AFAP1L2: variants seen among roughly 807,000 people sequenced by gnomAD.
AFAP1L2 encodes the protein actin filament-associated protein 1-like 2.
Under a neutral mutation model 99.3 loss-of-function variants are expected in AFAP1L2, and 46 were observed. The observed-to-expected ratio is 0.46, with a 90% CI of 0.37 to 0.59. The LOEUF is 0.59. Among genes scored for constraint, AFAP1L2 ranks in the 20% least tolerant of loss-of-function variants. The pLI is 0.00. For missense variants in AFAP1L2, 959 were observed against 1,034.9 expected (o/e 0.93, Z 1.01); for synonymous variants, 397 against 419.1 (o/e 0.95, Z 0.64).
chr10:114,286,160 G>T, the AFAP1L2 span: 3 of 1,613,992 alleles, frequency 1.9e-6, no homozygotes, highest in Non-Finnish European at 2.5e-6. Flanking sequence ...GCCTGACCTG[G>T]TCTGGAGCCT....
At position 114,341,713 on chromosome 10, in the gene AFAP1L2, G is replaced by A. The variant is rs958206195; in HGVS notation, c.17-982C>T. 7.9e-5 allele frequency among the ~76,000 whole-genome samples: 12 copies of A among 151,948 alleles called. 1 individual carries two copies. Among genetic ancestry groups the A allele is most frequent in the African/African-American group, 1.9e-4 (8 of 41,372 alleles). Reference sequence around the variant, plus strand: ...CCTGCAGACTGAAGCAGCCTCCCCCGTGGTCACTGTCATACTCCACAGCCC... The same window carrying A: ...CCTGCAGACTGAAGCAGCCTCCCCCATGGTCACTGTCATACTCCACAGCCC... On this transcript the variant is annotated intron_variant, in intron 1 of 18. Transcript: ENST00000304129.
the AFAP1L2 span, chr10:114,284,734 G>A: frequency 4.9e-6 from 4 of 808,734 alleles, no homozygotes; most frequent in Non-Finnish European, 5.8e-6. Context: ...ATTTCCTGGT[G>A]GACTGTGGGG....
Position 114,335,440 on chromosome 10 carries a change from A to G in AFAP1L2, c.146-2145T>C, listed in dbSNP as rs566903588. ...ATCCTGGCTAACATGGTGAAACCCC[A>G]TCTCTACTAAAAAATACAAAAAATT... On this transcript the variant is annotated intron_variant, in intron 2 of 18. Coordinates refer to ENST00000304129, the MANE Select transcript of AFAP1L2 (RefSeq NM_001001936.3). Among the ~76,000 whole-genome samples the G allele has an allele frequency of 1.2e-3, 179 of 152,088 alleles. 1 individual carries two copies. Among genetic ancestry groups the G allele is most frequent in the Middle Eastern group, 3.4e-3 (1 of 294 alleles).
At chr10:114,300,759 GC>G (rs1256773632) in intron 13 of AFAP1L2, 69 bp from the exon 14 acceptor site, 13 of 1,520,156 alleles carry the variant, frequency 8.6e-6, no homozygotes, top group African/African-American at 1.4e-5. Context: ...GGGGGTACCA[GC>G]CCTGCCTCAC....
chr10:114,344,448 C>A (rs994018388), intron 1 of AFAP1L2, among the ~76,000 whole-genome samples: 15 of 152,254 alleles, frequency 9.9e-5, no homozygotes, highest in Admixed American at 2.6e-4. Flanking sequence ...CAAAAAAAAA[C>A]CCATAAAAAC....
intron 1 of AFAP1L2, among the ~76,000 whole-genome samples, chr10:114,380,595 A>C (rs531649673): frequency 4.7e-4 from 72 of 152,216 alleles, no homozygotes; most frequent in Non-Finnish European, 8.8e-4. Context: ...GTTTTTAAAA[A>C]GTAAGAGTGA....
chr10:114,345,625 C>T (rs1410069867), intron 1 of AFAP1L2, among the ~76,000 whole-genome samples: 1 of 152,206 alleles, frequency 6.6e-6, no homozygotes, highest in Admixed American at 6.5e-5. Flanking sequence ...GGCCACATCC[C>T]TGATGAGTAG....
At chr10:114,280,772 C>G in the AFAP1L2 span, 1 of 152,174 alleles carries the variant, frequency 6.6e-6, no homozygotes, top group African/African-American at 2.4e-5. Context: ...CAAGGTCTTG[C>G]TCTGTCACCA....
intron 1 of AFAP1L2, among the ~76,000 whole-genome samples, chr10:114,353,019 G>A (rs1012932927): frequency 6.6e-6 from 1 of 152,072 alleles, no homozygotes; most frequent in African/African-American, 2.4e-5. Flanking sequence ...GAACTAAAAC[G>A]CCACACCCAA....
chr10:114,289,113 C>T, the AFAP1L2 span: 1 of 1,614,148 alleles, frequency 6.2e-7, no homozygotes, highest in East Asian at 2.2e-5. Flanking sequence ...TGCAGACTGC[C>T]TTCGGGCTGG....
At chr10:114,318,748 GA>G (rs58243775) in intron 5 of AFAP1L2, among the ~76,000 whole-genome samples, 2 of 118,924 alleles carry the variant, frequency 1.7e-5, no homozygotes, top group African/African-American at 3.1e-5. Flanking sequence ...CTAAAAAAAA[GA>G]AAAAAAAAAG....
intron 1 of AFAP1L2, among the ~76,000 whole-genome samples, chr10:114,396,949 T>C (rs1231093149): frequency 1.3e-5 from 2 of 152,182 alleles, no homozygotes; most frequent in Admixed American, 1.3e-4. Context: ...TTTCTCACCC[T>C]TTTCTGCTGC....
intron 1 of AFAP1L2, among the ~76,000 whole-genome samples, chr10:114,384,707 C>T (rs577106799): frequency 6.6e-6 from 1 of 152,338 alleles, no homozygotes; most frequent in African/African-American, 2.4e-5. Context: ...CACCTACTTC[C>T]AGAGAGAGGT....
At chr10:114,290,199 A>T, downstream of AFAP1L2, 2 of 1,548,204 alleles carry the variant, frequency 1.3e-6, no homozygotes, top group Non-Finnish European at 1.7e-6. Context: ...GGTCTAACCC[A>T]TGCCTGGCCG....
chr10:114,399,367 C>T (rs142450113), intron 1 of AFAP1L2, among the ~76,000 whole-genome samples: 2 of 152,272 alleles, frequency 1.3e-5, no homozygotes, highest in East Asian at 3.9e-4. Context: ...GACATGTGGG[C>T]TAGGTCCTGA....
chr10:114,333,092 C>A, intron 3 of AFAP1L2, 129 bp downstream of exon 3: 1 of 855,826 alleles, frequency 1.2e-6, no homozygotes, highest in South Asian at 1.7e-5. Flanking sequence ...ATGTGGCTTC[C>A]AAAAATAACT....
chr10:114,346,879 A>G (rs1439430699), intron 1 of AFAP1L2, among the ~76,000 whole-genome samples: 1 of 152,108 alleles, frequency 6.6e-6, no homozygotes, highest in Non-Finnish European at 1.5e-5. Flanking sequence ...CTTCCTCCAG[A>G]TGACCTCCTC....
chr10:114,330,149 A>T (rs10885549), intron 4 of AFAP1L2, among the ~76,000 whole-genome samples: 89,211 of 152,048 alleles, frequency 0.59, 30,912 homozygotes, highest in East Asian at 0.92. Flanking sequence ...CAGGTTCTCC[A>T]GAACTGCCCA....
chr10:114,313,447 T>C (rs1399044160), intron 7 of AFAP1L2, among the ~76,000 whole-genome samples: 2 of 152,098 alleles, frequency 1.3e-5, no homozygotes, highest in African/African-American at 4.8e-5. Flanking sequence ...CTTTGATCCA[T>C]CACCTCCATC....
Sources: allele counts gnomAD v4.1 joint callset (sites outside exome capture counted in the v4.1 genomes callset), GRCh38; gene constraint gnomAD v4.1.1; transcripts MANE v1.5; gene names NCBI Gene and HGNC (gene_info 2026-07-23, HGNC 2026-07-21).